The following OTULIN variants were observed in gnomAD, a reference collection of about 807,000 sequenced individuals.
OTULIN encodes the protein ubiquitin thioesterase otulin.
In OTULIN, 15 loss-of-function variants were observed where a neutral mutation model predicts 39.6. The observed-to-expected ratio is 0.38, with a 90% confidence interval of 0.25 to 0.58. The LOEUF is 0.58. OTULIN is among the 20% of genes least tolerant of loss of function. OTULIN has a pLI of 0.66. For synonymous variants in OTULIN, 156 were observed against 170.3 expected (o/e 0.92, Z 0.65); for missense variants, 319 against 445.9 (o/e 0.72, Z 2.56).
At chr5:14,675,878 A>G (rs1245496642) in intron 2 of OTULIN, among the ~76,000 whole-genome samples, 1 of 152,214 alleles carries the variant, frequency 6.6e-6, no homozygotes, top group East Asian at 1.9e-4. Flanking sequence ...GAGTCAGCAA[A>G]CAATGGTTTC....
In OTULIN at chr5:14,690,743, A is replaced by G. The variant is rs941069950; in HGVS notation, c.864+435A>G. The stretch of plus-strand genomic sequence containing the variant: ...AGATTGTTTTCTACTTTTTAGAAAC[A>G]AGTTACTTGATGCATTCCACTCTCA... On this transcript the variant is annotated intron_variant, in intron 6 of 6. Coordinates refer to ENST00000284274, the MANE Select transcript of OTULIN (RefSeq NM_138348.6). This position sits in a 1 kb window ranked among gnomAD's most constrained non-coding sequence, Gnocchi z 4.5. 6.6e-6 allele frequency among the ~76,000 whole-genome samples: 1 copy of G among 152,182 alleles called. No individual in the cohort carries two copies. The highest frequency in any genetic ancestry group is 1.5e-5 in the Non-Finnish European group (1 of 68,034).
At position 14,694,211 on chromosome 5, in the gene OTULIN, G is replaced by A. The variant is rs558381849; in HGVS notation, c.*1163G>A. On this transcript the variant is annotated 3_prime_UTR_variant, in exon 7 of 7. Coordinates refer to ENST00000284274, the MANE Select transcript of OTULIN (RefSeq NM_138348.6). The stretch of plus-strand genomic sequence containing the variant: ...GAGTGCAAAAGTGTGGCTGAGCCGC[G>A]TATGCCCTTGATTGGTTTTGGGAAG... 5.2e-4 allele frequency: 79 copies of A among 152,388 alleles called. No individual in the cohort carries two copies. Among genetic ancestry groups the A allele is most frequent in the African/African-American group, 1.8e-3 (74 of 41,586 alleles). The allele number at this position is 152,388 out of a possible 1,614,324, so 9.4% of individuals were successfully genotyped here.
intron 1 of OTULIN, among the ~76,000 whole-genome samples, chr5:14,668,382 T>A (rs1470818396): frequency 6.6e-6 from 1 of 152,226 alleles, no homozygotes; most frequent in Non-Finnish European, 1.5e-5. Flanking sequence ...GAGCCAGTCG[T>A]GGAAAGTCCA....
At chr5:14,679,114 G>A (rs1205479681) in intron 3 of OTULIN, among the ~76,000 whole-genome samples, 1 of 152,122 alleles carries the variant, frequency 6.6e-6, no homozygotes, top group Non-Finnish European at 1.5e-5. Flanking sequence ...AAGCCTCAGG[G>A]ATGCCTCAGG....
the OTULIN span, among the ~76,000 whole-genome samples, chr5:14,713,927 C>T: frequency 6.6e-6 from 1 of 152,260 alleles, no homozygotes; most frequent in Non-Finnish European, 1.5e-5. The surrounding 1 kb of genome is among the most constrained non-coding windows in gnomAD (Gnocchi z 4.4). Flanking sequence ...TCCACTGGGA[C>T]AGCATCTTCC....
chr5:14,674,612 G>A (rs148000574), intron 2 of OTULIN, among the ~76,000 whole-genome samples: 2 of 152,184 alleles, frequency 1.3e-5, no homozygotes, highest in East Asian at 1.9e-4. Flanking sequence ...AAAATTAATC[G>A]GGCGTGGTGG....
intron 2 of OTULIN, 101 bp downstream of exon 2, chr5:14,673,819 C>G: frequency 1.0e-6 from 1 of 956,706 alleles, no homozygotes; most frequent in South Asian, 1.6e-5. Flanking sequence ...ATAAAATATT[C>G]TTATGTATAT....
At position 14,697,550 on chromosome 5, in the gene OTULIN, A is replaced by G. The variant is rs1482337888; in HGVS notation, c.*4502A>G. ...TGTCGGAATGGGTTTTGGTATGTAT[A>G]ATGGAAATAGATAGAGTGGTTAAGT... On this transcript the variant is annotated 3_prime_UTR_variant, in exon 7 of 7. Coordinates refer to ENST00000284274, the MANE Select transcript of OTULIN (RefSeq NM_138348.6). 6.6e-6 allele frequency: 1 copy of G among 152,138 alleles called. No individual in the cohort carries two copies. The highest frequency in any genetic ancestry group is 1.5e-5 in the Non-Finnish European group (1 of 68,020). 9.4% of individuals were successfully genotyped at this position (152,138 alleles called of 1,614,324 possible). A position where few individuals can be genotyped will look rare whatever the true frequency, so the allele number is the denominator to read the frequency against.
At chr5:14,677,601 GA>G (rs1252715454) in intron 2 of OTULIN, among the ~76,000 whole-genome samples, 1 of 152,074 alleles carries the variant, frequency 6.6e-6, no homozygotes, top group East Asian at 1.9e-4. Flanking sequence ...TTAAACTAGG[GA>G]AAATATAAAG....
intron 3 of OTULIN, among the ~76,000 whole-genome samples, chr5:14,679,615 T>G (rs1396806467): frequency 6.6e-6 from 1 of 152,228 alleles, no homozygotes; most frequent in Non-Finnish European, 1.5e-5. Flanking sequence ...TCTTTAACTT[T>G]TTTTGGTTAG....
chr5:14,710,400 G>GC, the OTULIN span: 1 of 152,244 alleles, frequency 6.6e-6, no homozygotes, highest in African/African-American at 2.4e-5. Flanking sequence ...CTGGAGATGC[G>GC]CTTTTGTGAC....
intron 1 of OTULIN, among the ~76,000 whole-genome samples, chr5:14,667,286 T>C (rs1248213007): frequency 1.3e-5 from 2 of 152,204 alleles, no homozygotes; most frequent in East Asian, 3.8e-4. Context: ...GCACACTAGG[T>C]TACTCTTGAT....
intron 6 of OTULIN, 46 bp from the exon 7 acceptor site, chr5:14,692,808 T>A: frequency 6.3e-7 from 1 of 1,578,394 alleles, no homozygotes; most frequent in Admixed American, 1.7e-5. Flanking sequence ...AAGCCACGTT[T>A]TTCAGTGTGA....
intron 5 of OTULIN, among the ~76,000 whole-genome samples, chr5:14,688,607 A>C: frequency 6.6e-6 from 1 of 152,140 alleles, no homozygotes; most frequent in East Asian, 1.9e-4. Context: ...AAGATAAGAA[A>C]TGTTTACTGG....
chr5:14,685,725 G>A (rs1211591497), intron 4 of OTULIN, among the ~76,000 whole-genome samples: 6 of 152,156 alleles, frequency 3.9e-5, no homozygotes, highest in African/African-American at 1.4e-4. Context: ...CTACTTTTTA[G>A]ATAACTGTAT....
Position 14,664,965 on chromosome 5 carries a change from G to T in OTULIN, c.140G>T (p.Cys47Phe), listed in dbSNP as rs1735792815. 1.8e-6 allele frequency: 2 copies of T among 1,089,768 alleles called. No individual in the cohort carries two copies. The highest frequency in any genetic ancestry group is 2.2e-6 in the Non-Finnish European group (2 of 898,118). 67.5% of individuals were successfully genotyped at this position (1,089,768 alleles called of 1,614,324 possible). The change falls in exon 1 of 7, where the codon TGC (cysteine) becomes TTC (phenylalanine). Residue 47 changes from cysteine (C) to phenylalanine (F), a missense_variant. Physicochemically the swap from Cys to Phe is radical, Grantham distance 205. Coordinates refer to ENST00000284274, the MANE Select transcript of OTULIN (RefSeq NM_138348.6). ...ASGQPRPEMQ[C>F]PAEHEEDMYR... The stretch of plus-strand genomic sequence containing the variant: ...GGGCAGCCGCGGCCCGAGATGCAGT[G>T]CCCGGCCGAGCAGTGAGTCCGCGGG...
chr5:14,716,352 G>A, the OTULIN span, among the ~76,000 whole-genome samples: 1 of 152,172 alleles, frequency 6.6e-6, no homozygotes, highest in Non-Finnish European at 1.5e-5. Flanking sequence ...AATTAGTTGG[G>A]TATGGTGGTG....
At position 14,678,585 on chromosome 5, in the gene OTULIN, G is replaced by A. The variant is rs369035025; in HGVS notation, c.230-96G>A. On this transcript the variant is annotated intron_variant, in intron 2 of 6. Coordinates refer to ENST00000284274, the MANE Select transcript of OTULIN (RefSeq NM_138348.6). ...TTCTGGATTTTTTGACGTGAAGAAA[G>A]AAAATGAAGAGTGAAGGGTAACCCC... The A allele has an allele frequency of 4.5e-5, 39 of 873,820 alleles. 1 individual carries two copies. Among genetic ancestry groups the A allele is most frequent in the African/African-American group, 4.0e-4 (23 of 57,644 alleles). 54.1% of individuals were successfully genotyped at this position (873,820 alleles called of 1,614,324 possible).
intron 1 of OTULIN, among the ~76,000 whole-genome samples, chr5:14,665,529 C>T (rs771766018): frequency 6.6e-6 from 1 of 152,140 alleles, no homozygotes; most frequent in African/African-American, 2.4e-5. Flanking sequence ...AGATCAATTT[C>T]TTACTGTACT....
Sources: allele counts gnomAD v4.1 joint callset (sites outside exome capture counted in the v4.1 genomes callset), GRCh38; gene constraint gnomAD v4.1.1; non-coding constraint Gnocchi (gnomAD v3.1); transcripts MANE v1.5; gene names NCBI Gene and HGNC (gene_info 2026-07-23, HGNC 2026-07-21).